INPP4B: variants seen among roughly 807,000 people sequenced by gnomAD.
INPP4B encodes the protein inositol polyphosphate-4-phosphatase type II B.
Under a neutral mutation model 122.5 loss-of-function variants are expected in INPP4B, and 55 were observed. The ratio of observed to expected loss-of-function variants is 0.45; its 90% confidence interval spans 0.36 to 0.56. The LOEUF is 0.56. INPP4B is among the 20% of genes least tolerant of loss of function. The pLI, the probability that INPP4B is intolerant of heterozygous loss-of-function variation, is 0.00. For synonymous variants in INPP4B, 403 were observed against 388.7 expected, an observed-to-expected ratio of 1.04 and a Z score of -0.43; for missense variants, 1,000 against 1,097.7, an observed-to-expected ratio of 0.91 and a Z score of 1.26.
At chr4:142,456,291 G>C (rs755697574) in intron 3 of INPP4B, among the ~76,000 whole-genome samples, 4 of 152,014 alleles carry the variant, frequency 2.6e-5, no homozygotes, top group Non-Finnish European at 4.4e-5. Context: ...TGAGGTCTTA[G>C]ATGTAAATCT....
intron 11 of INPP4B, among the ~76,000 whole-genome samples, chr4:142,247,384 G>T (rs1024941242): frequency 1.3e-5 from 2 of 152,064 alleles, no homozygotes; most frequent in Non-Finnish European, 2.9e-5. Flanking sequence ...GTTCCTCCTT[G>T]TATCTCTGGT....
intron 2 of INPP4B, among the ~76,000 whole-genome samples, chr4:142,650,353 T>C (rs1379170622): frequency 4.6e-5 from 7 of 152,110 alleles, no homozygotes; most frequent in African/African-American, 1.7e-4. Context: ...CAGGATCAAA[T>C]TCACACATAA....
At chr4:142,108,763 A>G (rs900289267) in intron 22 of INPP4B, among the ~76,000 whole-genome samples, 27 of 152,154 alleles carry the variant, frequency 1.8e-4, no homozygotes, top group African/African-American at 6.5e-4. Context: ...GTAGTCTTCC[A>G]CCAAGAGGTG....
intron 25 of INPP4B, among the ~76,000 whole-genome samples, chr4:142,036,623 G>T (rs1744134018): frequency 6.6e-6 from 1 of 152,108 alleles, no homozygotes; most frequent in African/African-American, 2.4e-5. Flanking sequence ...TCTGCATGTT[G>T]TATATGTCCT....
chr4:142,824,360 T>G (rs1250383969), intron 1 of INPP4B, among the ~76,000 whole-genome samples: 9 of 140,360 alleles, frequency 6.4e-5, no homozygotes, highest in Admixed American at 5.5e-4. Flanking sequence ...CTGGTTCTAT[T>G]TCTCTGGAGA....
At chr4:142,411,114 C>T (rs1440658596) in intron 5 of INPP4B, among the ~76,000 whole-genome samples, 1 of 152,184 alleles carries the variant, frequency 6.6e-6, no homozygotes, top group Non-Finnish European at 1.5e-5. Context: ...TTGTAATTTT[C>T]ACCTCTAATG....
At chr4:142,242,770 A>G (rs1023952207) in intron 11 of INPP4B, among the ~76,000 whole-genome samples, 2 of 152,068 alleles carry the variant, frequency 1.3e-5, no homozygotes, top group Non-Finnish European at 2.9e-5. Flanking sequence ...CCCTATATAG[A>G]TGTCTCTCCT....
At chr4:142,778,730 A>G (rs982492468) in intron 1 of INPP4B, among the ~76,000 whole-genome samples, 1 of 151,946 alleles carries the variant, frequency 6.6e-6, no homozygotes, top group Non-Finnish European at 1.5e-5. Context: ...ACTTACCACC[A>G]CTACTTTGTT....
intron 2 of INPP4B, among the ~76,000 whole-genome samples, chr4:142,549,951 G>A (rs1011811220): frequency 5.9e-5 from 9 of 152,256 alleles, no homozygotes; most frequent in South Asian, 2.1e-4. Flanking sequence ...CAATAGCCTC[G>A]TGTATTAGGA....
chr4:142,087,409 T>C (rs949317819), intron 23 of INPP4B, among the ~76,000 whole-genome samples: 24 of 152,138 alleles, frequency 1.6e-4, no homozygotes, highest in African/African-American at 5.3e-4. Context: ...ACGGAGACAA[T>C]GTACGTTATG....
At chr4:142,528,207 C>G (rs1460661410) in intron 2 of INPP4B, among the ~76,000 whole-genome samples, 1 of 151,974 alleles carries the variant, frequency 6.6e-6, no homozygotes, top group African/African-American at 2.4e-5. Flanking sequence ...ACAAATTACC[C>G]CAACACACAG....
chr4:142,156,138 G>A (rs903540115), intron 17 of INPP4B, among the ~76,000 whole-genome samples: 2 of 151,738 alleles, frequency 1.3e-5, no homozygotes, highest in African/African-American at 4.8e-5. Context: ...TTAAAAATGG[G>A]TTTTGTGTCT....
intron 25 of INPP4B, among the ~76,000 whole-genome samples, chr4:142,061,906 ATATATATATATATATATATATATATAT>A (rs1761025013): frequency 3.1e-4 from 1 of 3,200 alleles, no homozygotes; most frequent in African/African-American, 4.8e-4. Context: ...ATATATATAT[ATATATATATATATATATATATATATAT>A]ATATATATCT....
At chr4:142,170,875 G>GTCTCTACCAACAGTGTTTA (rs1247063153) in intron 16 of INPP4B, among the ~76,000 whole-genome samples, 3 of 151,738 alleles carry the variant, frequency 2.0e-5, no homozygotes, top group African/African-American at 7.2e-5. Flanking sequence ...GTATGTGTTT[G>GTCTCTACCAACAGTGTTTA]TCTCTACCAA....
chr4:142,433,161 C>T (rs1260906455), intron 3 of INPP4B, among the ~76,000 whole-genome samples: 1 of 152,132 alleles, frequency 6.6e-6, no homozygotes. Context: ...TCCAAGTACA[C>T]ACTTCAGAAG....
intron 1 of INPP4B, among the ~76,000 whole-genome samples, chr4:142,738,289 A>G (rs1273998135): frequency 1.3e-5 from 2 of 152,204 alleles, no homozygotes; most frequent in East Asian, 3.9e-4. Context: ...ATAAAAAATG[A>G]TGAGTTCATG....
chr4:142,257,012 C>T (rs1207685141), intron 11 of INPP4B, among the ~76,000 whole-genome samples: 2 of 152,212 alleles, frequency 1.3e-5, no homozygotes, highest in Non-Finnish European at 2.9e-5. Context: ...CCACCATGAT[C>T]AAGTGGGTTT....
chr4:142,398,693 T>A (rs1800567174), intron 7 of INPP4B, among the ~76,000 whole-genome samples: 1 of 151,978 alleles, frequency 6.6e-6, no homozygotes, highest in African/African-American at 2.4e-5. Flanking sequence ...TACTACTGTC[T>A]AGGGAACTGC....
chr4:142,410,615 A>T (rs34115841), intron 5 of INPP4B, among the ~76,000 whole-genome samples: 284 of 152,214 alleles, frequency 1.9e-3, no homozygotes, highest in Non-Finnish European at 3.2e-3. Context: ...GGATAAAGAA[A>T]TTTTTTTTAA....
Sources: gnomAD v4.1 joint callset for allele counts (sites outside exome capture counted in the v4.1 genomes callset) on GRCh38, gnomAD v4.1.1 for gene constraint, MANE v1.5 for transcripts, NCBI Gene and HGNC (gene_info 2026-07-23, HGNC 2026-07-21) for gene names.